NFATC1: variants seen among roughly 807,000 people sequenced by gnomAD.
The protein encoded by NFATC1 is nuclear factor of activated T-cells, cytoplasmic 1.
NFATC1 carries 22 observed loss-of-function variants against 76.0 expected under a neutral mutation model. The ratio of observed to expected loss-of-function variants is 0.29; its 90% CI spans 0.21 to 0.41. The LOEUF is 0.41. NFATC1 is among the 10% of genes least tolerant of loss of function. The pLI is 1.00. For synonymous variants in NFATC1, 704 were observed against 613.1 expected, an observed-to-expected ratio of 1.15 and a Z score of -2.19; for missense variants, 1,357 against 1,337.7, an observed-to-expected ratio of 1.01 and a Z score of -0.23.
chr18:79,415,357 A>G (rs111379882), intron 2 of NFATC1, among the ~76,000 whole-genome samples: 12,087 of 152,200 alleles, frequency 0.079, 677 homozygotes, highest in Non-Finnish European at 0.11. Flanking sequence ...ATCTCGGCTC[A>G]CTGCAAGCTT....
chr18:79,432,451 C>T (rs1489094938), intron 2 of NFATC1, among the ~76,000 whole-genome samples: 2 of 71,428 alleles, frequency 2.8e-5, no homozygotes, highest in Non-Finnish European at 5.5e-5. Context: ...TGCCTCTGCC[C>T]ACGCAGGGTC....
At chr18:79,406,740 G>T (rs559442212) in intron 1 of NFATC1, among the ~76,000 whole-genome samples, 1 of 152,040 alleles carries the variant, frequency 6.6e-6, no homozygotes, top group Non-Finnish European at 1.5e-5. Context: ...CCCAGGAGCC[G>T]CAGGCCTGCG....
intron 2 of NFATC1, among the ~76,000 whole-genome samples, chr18:79,412,153 C>A (rs1423910051): frequency 6.6e-6 from 1 of 152,214 alleles, no homozygotes; most frequent in African/African-American, 2.4e-5. Context: ...GTTGGTTTTT[C>A]TTTTTAACCG....
At chr18:79,525,669 C>T (rs529537325) in intron 9 of NFATC1, among the ~76,000 whole-genome samples, 1 of 152,168 alleles carries the variant, frequency 6.6e-6, no homozygotes, top group Non-Finnish European at 1.5e-5. Context: ...TCTTTCGTCC[C>T]CACAATCACT....
chr18:79,400,197 T>C, intron 1 of NFATC1: 1 of 1,178,102 alleles, frequency 8.5e-7, no homozygotes, highest in Non-Finnish European at 1.0e-6. Flanking sequence ...GGGAGTTTAT[T>C]TAAAACTCGG....
chr18:79,449,033 G>A lies in NFATC1; in HGVS notation c.1589+49G>A, dbSNP rs763696934. Reference sequence around the variant, plus strand: ...CTCTGGCAGGGGGCGGTAGGAGGGGGCGTGCCTCCCTCCCAGTCCCGGGGG... The same window carrying A: ...CTCTGGCAGGGGGCGGTAGGAGGGGACGTGCCTCCCTCCCAGTCCCGGGGG... On this transcript the variant is annotated intron_variant, in intron 4 of 9. Coordinates refer to ENST00000427363, the MANE Select transcript of NFATC1 (RefSeq NM_001278669.2). 5.7e-6 allele frequency: 9 copies of A among 1,585,882 alleles called. No individual in the cohort carries two copies. The Admixed American group carries it at 1.0e-4, about 18-fold the overall frequency.
chr18:79,416,824 C>G (rs1475955963), intron 2 of NFATC1, among the ~76,000 whole-genome samples: 1 of 152,198 alleles, frequency 6.6e-6, no homozygotes, highest in East Asian at 1.9e-4. Context: ...CTGGGGAGTC[C>G]CCCGCACAAC....
chr18:79,448,674 G>A, intron 3 of NFATC1, 108 bp from the exon 4 acceptor site: 2 of 1,018,178 alleles, frequency 2.0e-6, no homozygotes, highest in Non-Finnish European at 1.5e-6. Flanking sequence ...AGGGGGCAGG[G>A]CAGGGGGACA....
chr18:79,442,967 G>A (rs1047833658), intron 3 of NFATC1, among the ~76,000 whole-genome samples: 4 of 152,208 alleles, frequency 2.6e-5, no homozygotes, highest in African/African-American at 9.6e-5. Flanking sequence ...CTGGAGCCTG[G>A]CAGTCCTGCA....
chr18:79,416,871 A>G (rs548263160), intron 2 of NFATC1, among the ~76,000 whole-genome samples: 1 of 152,262 alleles, frequency 6.6e-6, no homozygotes, highest in South Asian at 2.1e-4. Context: ...GGAGCTAGAC[A>G]AGCCTCAGCT....
intron 3 of NFATC1, among the ~76,000 whole-genome samples, chr18:79,437,977 C>T (rs904900159): frequency 6.6e-6 from 1 of 152,230 alleles, no homozygotes; most frequent in African/African-American, 2.4e-5. Context: ...GAGAAGCACC[C>T]GGGCACAGCC....
rs2089491540 is a variant in NFATC1, at chr18:79,486,274, G to T, written c.2119G>T (p.Asp707Tyr). 1.2e-6 allele frequency: 2 copies of T among 1,610,912 alleles called. No individual in the cohort carries two copies. The highest frequency in any genetic ancestry group is 2.2e-5 in the South Asian group (2 of 90,944). ...TCCAATTATAAAAACAGAACCCACT[G>T]ATGATTATGAGCCTGCTCCAACCTG... ...NVPIIKTEPTDDYEPAPTCGP... is the reference protein window; with the variant it reads ...NVPIIKTEPTYDYEPAPTCGP... The change falls in exon 9 of 10, where the codon GAT (aspartate) becomes TAT (tyrosine). Residue 707 changes from aspartate (D) to tyrosine (Y), a missense_variant. Around this residue, in one of 3 missense-constraint regions of NFATC1, gnomAD observed 424 missense variants for 395.4 expected, o/e 1.07. Transcript: ENST00000427363.
intron 2 of NFATC1, among the ~76,000 whole-genome samples, chr18:79,428,144 G>A (rs945119314): frequency 5.3e-5 from 8 of 152,116 alleles, no homozygotes; most frequent in South Asian, 2.1e-4. Flanking sequence ...TGTGCGGTGC[G>A]GGGGCCGGCC....
intron 8 of NFATC1, among the ~76,000 whole-genome samples, chr18:79,478,654 A>G (rs915188371): frequency 6.6e-6 from 1 of 152,032 alleles, no homozygotes. Context: ...GGGCTTTGGG[A>G]GGGGAGGTCC....
intron 3 of NFATC1, among the ~76,000 whole-genome samples, chr18:79,440,564 C>A (rs2086934919): frequency 6.6e-6 from 1 of 152,234 alleles, no homozygotes; most frequent in Admixed American, 6.5e-5. Context: ...CCACACCCAG[C>A]AGGTGTCCAG....
At chr18:79,400,623 C>T (rs1489718329) in intron 1 of NFATC1, 7 of 722,746 alleles carry the variant, frequency 9.7e-6, no homozygotes, top group Non-Finnish European at 1.4e-5. Context: ...GCGGGGGACG[C>T]TGCAGTGCGG....
At chr18:79,511,844 C>T (rs2090262018) in intron 9 of NFATC1, among the ~76,000 whole-genome samples, 1 of 152,096 alleles carries the variant, frequency 6.6e-6, no homozygotes, top group Non-Finnish European at 1.5e-5. Context: ...GGACTTGCTG[C>T]GGGTCCGGGA....
chr18:79,399,294 C>T (rs2085103434), intron 1 of NFATC1, among the ~76,000 whole-genome samples: 1 of 152,254 alleles, frequency 6.6e-6, no homozygotes, highest in Non-Finnish European at 1.5e-5. Flanking sequence ...GCGGGAGAAG[C>T]CCGGGGACGA....
At chr18:79,455,732 G>T (rs1235586246) in intron 6 of NFATC1, among the ~76,000 whole-genome samples, 1 of 126,638 alleles carries the variant, frequency 7.9e-6, no homozygotes, top group Admixed American at 7.8e-5. Flanking sequence ...TGGGACCCCA[G>T]CTCGCCCCCC....
Sources: allele counts gnomAD v4.1 joint callset (sites outside exome capture counted in the v4.1 genomes callset), GRCh38; gene constraint gnomAD v4.1.1; regional missense constraint gnomAD v4.1.1; transcripts MANE v1.5; gene names NCBI Gene and HGNC (gene_info 2026-07-23, HGNC 2026-07-21).